The following LAMA2 variants were observed in gnomAD, a reference collection of about 807,000 sequenced individuals.
LAMA2 encodes the protein laminin subunit alpha-2.
In LAMA2, 269 loss-of-function variants were observed where a neutral mutation model predicts 364.8. The ratio of observed to expected loss-of-function variants is 0.74; its 90% CI spans 0.67 to 0.82. The LOEUF (loss-of-function observed/expected upper bound fraction) is 0.82. LAMA2 is among the 40% of genes least tolerant of loss of function. The pLI, the probability that LAMA2 is intolerant of heterozygous loss-of-function variation, is 0.00. For missense variants in LAMA2, 3,807 were observed against 3,873.2 expected (o/e 0.98, Z 0.45); for synonymous variants, 1,379 against 1,370.6 (o/e 1.01, Z -0.14).
At chr6:129,156,699 C>T (rs1026260184) in intron 8 of LAMA2, among the ~76,000 whole-genome samples, 6 of 151,760 alleles carry the variant, frequency 4.0e-5, no homozygotes, top group Non-Finnish European at 8.8e-5. Flanking sequence ...GGATGTTTTC[C>T]GTGACAAAAA....
chr6:129,092,567 G>A (rs1774908599), intron 3 of LAMA2, among the ~76,000 whole-genome samples: 1 of 152,146 alleles, frequency 6.6e-6, no homozygotes, highest in Admixed American at 6.5e-5. Flanking sequence ...CATAACATGG[G>A]CAAGAGCACA....
chr6:129,219,123 A>C (rs1236702075), intron 12 of LAMA2, among the ~76,000 whole-genome samples: 1 of 152,320 alleles, frequency 6.6e-6, no homozygotes, highest in Admixed American at 6.5e-5. Flanking sequence ...AGAACCCAGG[A>C]AGTATGTGAT....
At chr6:129,079,735 C>T (rs910245929) in intron 3 of LAMA2, among the ~76,000 whole-genome samples, 1 of 152,026 alleles carries the variant, frequency 6.6e-6, no homozygotes, top group African/African-American at 2.4e-5. Flanking sequence ...ATTTGAGAAT[C>T]TTGAAACATG....
At chr6:129,483,291 C>G (rs937625111) in intron 55 of LAMA2, among the ~76,000 whole-genome samples, 12 of 151,040 alleles carry the variant, frequency 7.9e-5, no homozygotes, top group African/African-American at 2.4e-4. Flanking sequence ...GCTATAAAAT[C>G]AAGCCCAAGA....
intron 12 of LAMA2, among the ~76,000 whole-genome samples, chr6:129,233,360 T>A (rs1784789938): frequency 6.6e-6 from 1 of 152,188 alleles, no homozygotes; most frequent in Non-Finnish European, 1.5e-5. Flanking sequence ...TTTATAATTT[T>A]TAGCTCCCTA....
At chr6:129,078,326 G>A (rs967975460) in intron 3 of LAMA2, among the ~76,000 whole-genome samples, 1 of 151,850 alleles carries the variant, frequency 6.6e-6, no homozygotes, top group African/African-American at 2.4e-5. Flanking sequence ...GTAGAGACAA[G>A]GTTTCACCAT....
chr6:129,042,511 T>A (rs1316764022), intron 1 of LAMA2, among the ~76,000 whole-genome samples: 1 of 151,872 alleles, frequency 6.6e-6, no homozygotes, highest in Non-Finnish European at 1.5e-5. Flanking sequence ...CAAGCTCAAA[T>A]TTATCTACAT....
At chr6:129,017,401 T>C (rs1198344006) in intron 1 of LAMA2, among the ~76,000 whole-genome samples, 1 of 152,060 alleles carries the variant, frequency 6.6e-6, no homozygotes, top group Non-Finnish European at 1.5e-5. Context: ...TTTACATATG[T>C]ACATCCACAG....
At chr6:129,454,325 T>TAATTAAATGAC (rs1782847260) in intron 47 of LAMA2, 37 bp downstream of exon 47, 1 of 1,558,210 alleles carries the variant, frequency 6.4e-7, no homozygotes, top group Non-Finnish European at 8.8e-7. Flanking sequence ...AATTAAATGA[T>TAATTAAATGAC]AGAATTTTGA....
At position 129,363,979 on chromosome 6, in the gene LAMA2, G is replaced by A. The variant is rs143321315; in HGVS notation, c.4718-2240G>A. On this transcript the variant is annotated intron_variant, in intron 32 of 64. Transcript: ENST00000421865. ...TGCAAATTTGGTTTCATTCTGGCTA[G>A]GAGAAGAGTAAGAGATATAGCCCTA... Among the ~76,000 whole-genome samples, 11 of 152,316 alleles carry A rather than the reference G, an allele frequency of 7.2e-5. No individual in the cohort carries two copies. In the East Asian group the frequency reaches 1.5e-3, roughly 21 times the overall value.
intron 12 of LAMA2, among the ~76,000 whole-genome samples, chr6:129,214,840 A>T (rs1295727893): frequency 6.6e-6 from 1 of 151,778 alleles, no homozygotes; most frequent in African/African-American, 2.4e-5. Context: ...TTTGACTGGG[A>T]TTACCTTGAA....
chr6:129,504,677 T>C (rs1785916230), intron 60 of LAMA2, among the ~76,000 whole-genome samples: 1 of 152,210 alleles, frequency 6.6e-6, no homozygotes, highest in African/African-American at 2.4e-5. Context: ...TCCCCCACTT[T>C]GTACTCATCA....
intron 42 of LAMA2, among the ~76,000 whole-genome samples, chr6:129,440,515 AT>A (rs2114764745): frequency 6.6e-6 from 1 of 152,248 alleles, no homozygotes; most frequent in South Asian, 2.1e-4. Flanking sequence ...ATGTGGATAA[AT>A]TTATCTCGTG....
At chr6:128,919,131 C>T (rs1247902575) in intron 1 of LAMA2, among the ~76,000 whole-genome samples, 1 of 152,130 alleles carries the variant, frequency 6.6e-6, no homozygotes, top group Non-Finnish European at 1.5e-5. Context: ...ACTGTTTCCT[C>T]AATGATGGGC....
chr6:129,398,472 C>CTTTTTTTTTTTTTTTTTTTTTTTTTTTT (rs71028159), intron 37 of LAMA2, among the ~76,000 whole-genome samples: 5 of 110,548 alleles, frequency 4.5e-5, no homozygotes, highest in South Asian at 3.0e-4. Context: ...CTTTTCTTTT[C>CTTTTTTTTTTTTTTTTTTTTTTTTTTTT]TTTTTTTTTT....
rs574296023 is a variant in LAMA2 at position 128,883,260 on chromosome 6, C to A, written c.15C>A (p.Ala5=). MPGA[A]GVLLLLLLSG... is the part of the protein sequence containing the mutation. ...CGGCCACTACGATGCCGGGAGCCGC[C>A]GGGGTCCTCCTCCTTCTGCTGCTCT... Residue 5 remains alanine, a synonymous_variant, in exon 1 of 65, where the codon GCC becomes GCA. Coordinates refer to ENST00000421865, the MANE Select transcript of LAMA2 (RefSeq NM_000426.4). 1.3e-6 allele frequency: 2 copies of A among 1,557,146 alleles called. No individual in the cohort carries two copies. The highest frequency in any genetic ancestry group is 1.7e-6 in the Non-Finnish European group (2 of 1,150,978).
intron 27 of LAMA2, among the ~76,000 whole-genome samples, chr6:129,320,247 T>C (rs904687522): frequency 6.6e-6 from 1 of 152,142 alleles, no homozygotes; most frequent in East Asian, 1.9e-4. Context: ...GTTGTCTTCA[T>C]TTTGAGCAGA....
rs374718542 is a variant in LAMA2 at position 129,254,766 on chromosome 6, A to G, written c.2096+2471A>G. Among the ~76,000 whole-genome samples, 8 of 152,290 alleles carry G rather than the reference A, an allele frequency of 5.3e-5. No homozygotes were observed. The East Asian group carries it at 1.5e-3, about 29-fold the overall frequency. On this transcript the variant is annotated intron_variant, in intron 14 of 64. Coordinates refer to ENST00000421865, the MANE Select transcript of LAMA2 (RefSeq NM_000426.4). ...TAAGAATATAAGAGAAATCAACCTAACTGAACTGTGCATCTTTCACCTTTA... is the reference window on the plus strand; with the variant it reads ...TAAGAATATAAGAGAAATCAACCTAGCTGAACTGTGCATCTTTCACCTTTA...
chr6:129,177,775 GC>G lies in LAMA2; in HGVS notation c.1377del (p.Tyr460ThrfsTer15), dbSNP rs1562304096. On this transcript the variant is annotated frameshift_variant, in exon 10 of 65. Transcript: ENST00000421865. LOFTEE classifies it high-confidence loss of function. ...GGVSCDRCAR[G>X]YTGYPDCKAC... ...GTGAGCTGTGATCGGTGTGCCAGGGGCTACACTGGCTACCCGGACTGCAAAG... is the reference window on the plus strand; with the variant it reads ...GTGAGCTGTGATCGGTGTGCCAGGGGTACACTGGCTACCCGGACTGCAAAG... The G allele has an allele frequency of 6.2e-7, 1 of 1,613,892 alleles. No homozygotes were observed. The highest frequency in any genetic ancestry group is 1.7e-5 in the Admixed American group (1 of 59,930).
Sources: allele counts gnomAD v4.1 joint callset (sites outside exome capture counted in the v4.1 genomes callset), GRCh38; gene constraint gnomAD v4.1.1; transcripts MANE v1.5; gene names NCBI Gene and HGNC (gene_info 2026-07-23, HGNC 2026-07-21).